KRT80: variants seen among roughly 807,000 people sequenced by gnomAD.
KRT80 encodes the protein keratin, type II cytoskeletal 80.
Under a neutral mutation model 51.5 loss-of-function variants are expected in KRT80, and 36 were observed. The observed-to-expected ratio is 0.70, with a 90% CI of 0.54 to 0.92. The LOEUF (loss-of-function observed/expected upper bound fraction) is 0.92, where lower values mean the gene tolerates loss of function less well. KRT80 is among the 40% of genes least tolerant of loss of function. The pLI is 0.00. For missense variants in KRT80, 566 were observed against 591.7 expected, an observed-to-expected ratio of 0.96 and a Z score of 0.45; for synonymous variants, 235 against 248.3, an observed-to-expected ratio of 0.95 and a Z score of 0.50.
At chr12:52,187,077 T>C (rs1359462726) in intron 1 of KRT80, among the ~76,000 whole-genome samples, 5 of 152,238 alleles carry the variant, frequency 3.3e-5, no homozygotes, top group African/African-American at 4.8e-5. Context: ...CTGCTCCCCC[T>C]TGGGGCCTCT....
chr12:52,190,928 G>A (rs1243069848), intron 1 of KRT80, among the ~76,000 whole-genome samples: 2 of 152,130 alleles, frequency 1.3e-5, no homozygotes, highest in East Asian at 3.8e-4. Flanking sequence ...GTGGAGTCTA[G>A]GAAGTGTGGT....
Position 52,180,750 on chromosome 12 carries a change from T to G in KRT80, c.571-142A>C. Reference sequence around the variant, plus strand: ...TCAGAGCCTCGAAAAAGGAGCTGGATGGGGATGGGGGTATCTCCCTGTCTG... The same window carrying G: ...TCAGAGCCTCGAAAAAGGAGCTGGAGGGGGATGGGGGTATCTCCCTGTCTG... On this transcript the variant is annotated intron_variant, in intron 3 of 8. Transcript: ENST00000394815. 3 of 1,587,694 alleles carry G rather than the reference T, an allele frequency of 1.9e-6. No individual in the cohort carries two copies. The South Asian group carries it at 3.4e-5, about 18-fold the overall frequency.
At position 52,178,608 on chromosome 12, in the gene KRT80, G is replaced by A. The variant is rs144297566; in HGVS notation, c.666+1905C>T. 1.5e-4 allele frequency among the ~76,000 whole-genome samples: 23 copies of A among 152,338 alleles called. No homozygotes were observed. In the East Asian group the frequency reaches 4.0e-3, roughly 27 times the overall value. On this transcript the variant is annotated intron_variant, in intron 4 of 8. Transcript: ENST00000394815. ...TGCATCCCAGAATCTGTCACCCTGC[G>A]AAGCGATCTTGTCCAGATATTTGCT... is the stretch of plus-strand genomic sequence containing the variant.
intron 2 of KRT80, among the ~76,000 whole-genome samples, chr12:52,181,779 C>A (rs894527359): frequency 2.6e-5 from 4 of 152,266 alleles, no homozygotes; most frequent in Non-Finnish European, 4.4e-5. Context: ...CCCTCTTCCT[C>A]AAGTCAAGAC....
At chr12:52,190,379 A>G (rs1941462118) in intron 1 of KRT80, among the ~76,000 whole-genome samples, 1 of 152,230 alleles carries the variant, frequency 6.6e-6, no homozygotes, top group South Asian at 2.1e-4. Context: ...CAGCCACTGC[A>G]GGGTGGCAGT....
chr12:52,171,852 T>A, intron 7 of KRT80, 139 bp from the exon 8 acceptor site: 1 of 660,152 alleles, frequency 1.5e-6, no homozygotes, highest in Non-Finnish European at 2.6e-6. Flanking sequence ...CCCTGTTGTG[T>A]GGCCCTGGCT....
At chr12:52,172,957 G>T in intron 6 of KRT80, 81 bp downstream of exon 6, 1 of 1,501,680 alleles carries the variant, frequency 6.7e-7, no homozygotes. Context: ...ACTCAGTCAT[G>T]TCTTGCCTGT....
chr12:52,175,571 A>C (rs558836359), intron 4 of KRT80, among the ~76,000 whole-genome samples: 1 of 152,056 alleles, frequency 6.6e-6, no homozygotes, highest in African/African-American at 2.4e-5. Flanking sequence ...CCCTGTGGGC[A>C]GCCTGTCCGG....
chr12:52,172,698 G>T (rs1281166177), intron 6 of KRT80, among the ~76,000 whole-genome samples: 1 of 152,186 alleles, frequency 6.6e-6, no homozygotes, highest in Non-Finnish European at 1.5e-5. Flanking sequence ...GTTTGTCCTG[G>T]CTGGAAGCTG....
chr12:52,171,744 G>A (rs1592355436), intron 7 of KRT80, 31 bp from the exon 8 acceptor site: 4 of 1,322,820 alleles, frequency 3.0e-6, no homozygotes, highest in Non-Finnish European at 4.3e-6. Context: ...GGTGGGAGAG[G>A]GATATGATGG....
chr12:52,172,106 T>C (rs1941116732), intron 7 of KRT80, 92 bp downstream of exon 7: 2 of 1,399,110 alleles, frequency 1.4e-6, no homozygotes, highest in Non-Finnish European at 9.9e-7. Flanking sequence ...AGGCTCACTG[T>C]ATCATATTGG....
intron 2 of KRT80, among the ~76,000 whole-genome samples, chr12:52,181,916 C>T (rs990448204): frequency 1.5e-4 from 23 of 152,214 alleles, no homozygotes; most frequent in Non-Finnish European, 3.1e-4. Flanking sequence ...GAATCACTGG[C>T]GGCTCTAATT....
At position 52,171,490 on chromosome 12, in the gene KRT80, A is replaced by T; in HGVS notation, c.1267T>A (p.Ser423Thr). ...CCTTTGCTGCCCTTCTTCTTTCGGG[A>T]GGGGGCCTTGGAGAGGCCTGATCTG... Reference protein sequence around the residue: ...ASRSGLSKAPSRKKKGSKGPV... With the variant: ...ASRSGLSKAPTRKKKGSKGPV... The change falls in exon 9 of 9, where the codon TCC becomes ACC. Residue 423 changes from serine to threonine, a missense_variant. Ser to Thr is a moderately conservative substitution (Grantham distance 58). Coordinates refer to ENST00000394815, the MANE Select transcript of KRT80 (RefSeq NM_182507.3). The T allele has an allele frequency of 1.2e-6, 2 of 1,612,140 alleles. No individual in the cohort carries two copies. Among genetic ancestry groups the T allele is most frequent in the South Asian group, 1.1e-5 (1 of 90,928 alleles).
intron 1 of KRT80, among the ~76,000 whole-genome samples, chr12:52,188,182 TGA>T (rs2120945611): frequency 6.6e-6 from 1 of 152,270 alleles, no homozygotes; most frequent in East Asian, 1.9e-4. Flanking sequence ...CCTGGTGCCC[TGA>T]GAGGTGCCAG....
intron 2 of KRT80, 92 bp downstream of exon 2, chr12:52,185,287 T>G (rs1012028760): frequency 2.2e-5 from 27 of 1,235,052 alleles, no homozygotes; most frequent in Non-Finnish European, 2.8e-5. Context: ...AGAACATCTT[T>G]CCTCTTTCTC....
In KRT80 at chr12:52,173,108, C is replaced by A. The variant is rs141107117; in HGVS notation, c.887G>T (p.Arg296Leu). 3.7e-6 allele frequency: 6 copies of A among 1,613,386 alleles called. No individual in the cohort carries two copies. Among genetic ancestry groups the A allele is most frequent in the South Asian group, 1.1e-5 (1 of 91,020 alleles). ...CACATTGAGATCCGCGATCTCGCTG[C>A]GGCTGCTCTGGAGGCTGCTCCCATA... The part of the protein sequence containing the change: ...AEYGSSLQSS[R>L]SEIADLNVRI... The change falls in exon 6 of 9, where the codon CGC (arginine) becomes CTC (leucine). Residue 296 changes from arginine to leucine, a missense_variant. Transcript: ENST00000394815.
chr12:52,187,315 T>G (rs1456534768), intron 1 of KRT80, among the ~76,000 whole-genome samples: 1 of 152,214 alleles, frequency 6.6e-6, no homozygotes, highest in East Asian at 1.9e-4. Context: ...CAGCAGCCTT[T>G]TGGATCAGCT....
In KRT80 at chr12:52,181,091, C is replaced by A. The variant is rs138182925; in HGVS notation, c.510-128G>T. ...CTCTTTGCCAATTAAAGAAAAGCAGCCCATCCTTCTCCCTCTTGCATCTTC... is the reference window on the plus strand; with the variant it reads ...CTCTTTGCCAATTAAAGAAAAGCAGACCATCCTTCTCCCTCTTGCATCTTC... On this transcript the variant is annotated intron_variant, in intron 2 of 8. Coordinates refer to ENST00000394815, the MANE Select transcript of KRT80 (RefSeq NM_182507.3). 119 of 603,176 alleles carry A rather than the reference C, an allele frequency of 2.0e-4. 1 individual carries two copies. The African/African-American group carries it at 2.0e-3, about 10-fold the overall frequency. The allele number at this position is 603,176 out of a possible 1,614,324, so 37.4% of individuals were successfully genotyped here. A position where few individuals can be genotyped will look rare whatever the true frequency, so the allele number is the denominator to read the frequency against.
intron 2 of KRT80, 96 bp from the exon 3 acceptor site, chr12:52,181,059 T>G (rs1941313483): frequency 2.3e-6 from 2 of 865,024 alleles, no homozygotes. Flanking sequence ...GCTATCCCAC[T>G]TGGGGTCTCT....
Sources: allele counts gnomAD v4.1 joint callset (sites outside exome capture counted in the v4.1 genomes callset), GRCh38; gene constraint gnomAD v4.1.1; transcripts MANE v1.5; gene names NCBI Gene and HGNC (gene_info 2026-07-23, HGNC 2026-07-21).